GRIA2: variants seen among roughly 807,000 people sequenced by gnomAD.
GRIA2 encodes the protein glutamate receptor 2.
Under a neutral mutation model 97.3 loss-of-function variants are expected in GRIA2, and 14 were observed. The ratio of observed to expected loss-of-function variants is 0.14; its 90% CI spans 0.10 to 0.23. The LOEUF (loss-of-function observed/expected upper bound fraction) is 0.23. Among genes scored for constraint, GRIA2 ranks in the 10% least tolerant of loss-of-function variants. The pLI is 1.00. For synonymous variants in GRIA2, 412 were observed against 387.8 expected (o/e 1.06, Z -0.73); for missense variants, 558 against 1,069.8 (o/e 0.52, Z 6.67).
At position 157,303,635 on chromosome 4, in the gene GRIA2, G is replaced by A. The variant is rs763904109; in HGVS notation, c.313G>A (p.Gly105Arg). 8.7e-6 allele frequency: 14 copies of A among 1,613,748 alleles called. No individual in the cohort carries two copies. The highest frequency in any genetic ancestry group is 1.0e-5 in the Non-Finnish European group (12 of 1,179,938). The change falls in exon 3 of 16, where the codon GGA becomes AGA. Residue 105 changes from glycine (G) to arginine (R), a missense_variant. By Grantham distance (125) the Gly-to-Arg change is moderately radical. Around this residue, in one of 8 missense-constraint regions of GRIA2, gnomAD observed 96 missense variants for 176.6 expected, o/e 0.54. Transcript: ENST00000264426. ...TGTAAATACCATCACATCATTTTGC[G>A]GAACACTCCACGTCTCCTTCATCAC... ...KSVNTITSFC[G>R]TLHVSFITPS...
chr4:157,299,498 A>C (rs1194793600), intron 2 of GRIA2, among the ~76,000 whole-genome samples: 4 of 152,084 alleles, frequency 2.6e-5, no homozygotes, highest in African/African-American at 9.7e-5. Context: ...AAAAAAACAT[A>C]CTCAGTTCTT....
At chr4:157,320,856 T>G (rs559657543) in intron 5 of GRIA2, among the ~76,000 whole-genome samples, 30 of 152,264 alleles carry the variant, frequency 2.0e-4, no homozygotes, top group African/African-American at 7.2e-4. Flanking sequence ...AATGACTGAA[T>G]TCATTGCAAT....
intron 12 of GRIA2, among the ~76,000 whole-genome samples, chr4:157,349,044 T>C (rs944688339): frequency 2.6e-5 from 4 of 152,238 alleles, no homozygotes; most frequent in African/African-American, 9.6e-5. Flanking sequence ...TAAATCCTTT[T>C]ATAAGGCAGA....
intron 2 of GRIA2, among the ~76,000 whole-genome samples, chr4:157,274,829 C>A (rs1041904043): frequency 6.6e-6 from 1 of 151,936 alleles, no homozygotes; most frequent in Non-Finnish European, 1.5e-5. Context: ...AATAAACATA[C>A]GTATGCATGT....
intron 2 of GRIA2, among the ~76,000 whole-genome samples, chr4:157,229,513 G>A (rs1433749269): frequency 6.6e-6 from 1 of 152,124 alleles, no homozygotes; most frequent in African/African-American, 2.4e-5. Flanking sequence ...TATAGAAAGG[G>A]AATTGGTGAG....
chr4:157,315,377 C>CA (rs1313075078), intron 4 of GRIA2, among the ~76,000 whole-genome samples: 621 of 53,676 alleles, frequency 0.012, 1 homozygote, highest in East Asian at 0.02. Flanking sequence ...AGGTACATTC[C>CA]AAAAAAAAAA....
At chr4:157,309,331 A>T (rs1733971726) in intron 3 of GRIA2, among the ~76,000 whole-genome samples, 1 of 151,638 alleles carries the variant, frequency 6.6e-6, no homozygotes, top group Admixed American at 6.6e-5. Context: ...TGAGTTTGAA[A>T]GTCAGAGAAA....
chr4:157,274,884 G>A (rs1560741322), intron 2 of GRIA2, among the ~76,000 whole-genome samples: 2 of 151,602 alleles, frequency 1.3e-5, no homozygotes, highest in Admixed American at 6.6e-5. Context: ...TATATACCCA[G>A]TAATGGGATG....
At chr4:157,234,615 G>C (rs998766630) in intron 2 of GRIA2, among the ~76,000 whole-genome samples, 1 of 152,118 alleles carries the variant, frequency 6.6e-6, no homozygotes, top group Non-Finnish European at 1.5e-5. Flanking sequence ...AAAAATGATG[G>C]TAGGTGTTTC....
chr4:157,245,076 T>G (rs539156350), intron 2 of GRIA2, among the ~76,000 whole-genome samples: 24 of 151,816 alleles, frequency 1.6e-4, no homozygotes, highest in Non-Finnish European at 3.4e-4. Context: ...TTCATTTATC[T>G]AATGGACAAA....
At chr4:157,307,193 A>C (rs1295162729) in intron 3 of GRIA2, among the ~76,000 whole-genome samples, 1 of 152,158 alleles carries the variant, frequency 6.6e-6, no homozygotes, top group Non-Finnish European at 1.5e-5. Flanking sequence ...CTAATCATGA[A>C]CTAGATGAAA....
chr4:157,333,054 A>G, intron 7 of GRIA2, 68 bp downstream of exon 7: 1 of 1,269,324 alleles, frequency 7.9e-7, no homozygotes, highest in Non-Finnish European at 1.1e-6. Flanking sequence ...CTGCTAAATT[A>G]GTCATCCTTG....
At chr4:157,306,116 C>A (rs919845938) in intron 3 of GRIA2, among the ~76,000 whole-genome samples, 1 of 152,172 alleles carries the variant, frequency 6.6e-6, no homozygotes, top group African/African-American at 2.4e-5. Flanking sequence ...ATGACTAATT[C>A]TCTTTACACT....
rs1736295302 is a variant in GRIA2 at position 157,355,930 on chromosome 4, T to TATATATAA, written c.2044-3964_2044-3963insATATAAAT. ...ATATATATATTAATATATTTATATA[T>TATATATAA]ATTTATATATTAATATATATTTATA... On this transcript the variant is annotated intron_variant, in intron 12 of 15. Transcript: ENST00000264426. Among the ~76,000 whole-genome samples the TATATATAA allele has an allele frequency of 4.5e-5, 2 of 44,210 alleles. 1 individual carries two copies. Among genetic ancestry groups the TATATATAA allele is most frequent in the Admixed American group, 8.5e-4 (2 of 2,364 alleles). 29.0% of individuals were successfully genotyped at this position (44,210 alleles called of 152,430 possible).
chr4:157,318,107 TTTATAGAACAATATTTGAC>T (rs1436758065), intron 5 of GRIA2, among the ~76,000 whole-genome samples: 4 of 152,134 alleles, frequency 2.6e-5, no homozygotes, highest in African/African-American at 9.7e-5. Flanking sequence ...GATATAAGAA[TTTATAGAACAATATTTGAC>T]AAGCTTCATA....
chr4:157,306,795 A>G (rs541256495), intron 3 of GRIA2, among the ~76,000 whole-genome samples: 2 of 152,206 alleles, frequency 1.3e-5, no homozygotes, highest in East Asian at 3.9e-4. Flanking sequence ...TTATTCATAC[A>G]TTTAGTGTGT....
At chr4:157,277,701 CAA>C (rs912535519) in intron 2 of GRIA2, among the ~76,000 whole-genome samples, 1 of 150,974 alleles carries the variant, frequency 6.6e-6, no homozygotes, top group Non-Finnish European at 1.5e-5. Context: ...GGTGAATATA[CAA>C]AAGTCAGTTG....
intron 2 of GRIA2, among the ~76,000 whole-genome samples, chr4:157,224,524 G>T (rs1486042970): frequency 6.6e-6 from 1 of 152,048 alleles, no homozygotes; most frequent in Non-Finnish European, 1.5e-5. Context: ...TAGAGAATTT[G>T]TATCCTTTTT....
At position 157,312,776 on chromosome 4, in the gene GRIA2, T is replaced by C; in HGVS notation, c.567T>C (p.Asp189=). ...NVGNINNDKK[D]EMYRSLFQDL... Reference sequence around the variant, plus strand: ...GAAACATTAACAATGACAAGAAAGATGAGATGTACCGATCACTTTTTCAAG... The same window carrying C: ...GAAACATTAACAATGACAAGAAAGACGAGATGTACCGATCACTTTTTCAAG... Residue 189 remains aspartate, a synonymous_variant, in exon 4 of 16, where the codon GAT becomes GAC. Transcript: ENST00000264426. 1 of 1,604,392 alleles carries C rather than the reference T, an allele frequency of 6.2e-7. No individual in the cohort carries two copies. Among genetic ancestry groups the C allele is most frequent in the Non-Finnish European group, 8.5e-7 (1 of 1,171,570 alleles).
Sources: allele counts gnomAD v4.1 joint callset (sites outside exome capture counted in the v4.1 genomes callset), GRCh38; gene constraint gnomAD v4.1.1; regional missense constraint gnomAD v4.1.1; transcripts MANE v1.5; gene names NCBI Gene and HGNC (gene_info 2026-07-23, HGNC 2026-07-21).